Variants in FSIP2 observed in about 807,000 individuals in gnomAD.
FSIP2 encodes the protein fibrous sheath-interacting protein 2.
FSIP2 carries 367 observed loss-of-function variants against 510.5 expected under a neutral mutation model. That is an observed-to-expected ratio of 0.72 (90% CI 0.66 to 0.78). FSIP2 has a LOEUF of 0.78. FSIP2 is among the 30% of genes least tolerant of loss of function. The pLI is 0.00. For missense variants in FSIP2, 7,594 were observed against 7,901.7 expected (o/e 0.96, Z 1.48); for synonymous variants, 2,601 against 2,732.2 (o/e 0.95, Z 1.50).
chr2:185,753,842 G>A lies in FSIP2; in HGVS notation c.991G>A (p.Ala331Thr). 1.4e-6 allele frequency: 2 copies of A among 1,454,364 alleles called. No homozygotes were observed. Among genetic ancestry groups the A allele is most frequent in the Admixed American group, 2.8e-5 (1 of 35,692 alleles). The allele number at this position is 1,454,364 out of a possible 1,614,324, so 90.1% of individuals were successfully genotyped here. A position where few individuals can be genotyped will look rare whatever the true frequency, so the allele number is the denominator to read the frequency against. The stretch of plus-strand genomic sequence containing the variant: ...ATACAGAGGTCAAGATGGAACACAT[G>A]GTGAATGTGAGAACATTAAAAGATG... ...FKYRGQDGTH[A>T]SPKNKKKTSE... Residue 331 changes from alanine to threonine, a missense_variant and splice_region_variant, in exon 8 of 23, where the codon GCT becomes ACT. Coordinates refer to ENST00000424728, the MANE Select transcript of FSIP2 (RefSeq NM_173651.4).
chr2:185,756,121 T>G, intron 8 of FSIP2, 71 bp from the exon 9 acceptor site: 1 of 561,750 alleles, frequency 1.8e-6, no homozygotes, highest in Non-Finnish European at 3.0e-6. Context: ...CATAAAAGGA[T>G]AAGTAGTCTA....
chr2:185,782,027 G>A (rs1274043193), intron 13 of FSIP2, among the ~76,000 whole-genome samples: 1 of 152,080 alleles, frequency 6.6e-6, no homozygotes, highest in African/African-American at 2.4e-5. Flanking sequence ...TAATAGAGAC[G>A]GGGTTTCACC....
chr2:185,788,025 A>G (rs1444052032), intron 15 of FSIP2: 1 of 151,618 alleles, frequency 6.6e-6, no homozygotes, highest in Non-Finnish European at 1.5e-5. Flanking sequence ...GTCAATCTAT[A>G]TAAAGCATTA....
At chr2:185,777,702 C>A (rs952801730) in intron 13 of FSIP2, among the ~76,000 whole-genome samples, 3 of 151,942 alleles carry the variant, frequency 2.0e-5, no homozygotes, top group African/African-American at 4.8e-5. Flanking sequence ...TTGATTAAAT[C>A]AATTCTATCT....
At chr2:185,776,806 C>T (rs1223428550) in intron 13 of FSIP2, among the ~76,000 whole-genome samples, 1 of 150,768 alleles carries the variant, frequency 6.6e-6, no homozygotes, top group African/African-American at 2.4e-5. Flanking sequence ...GTGATCTCGG[C>T]TCACTGCAAC....
rs1272157454 is a variant in FSIP2, at chr2:185,796,908, A to G, written c.9772A>G (p.Met3258Val). 6.5e-7 allele frequency: 1 copy of G among 1,535,034 alleles called. No homozygotes were observed. The highest frequency in any genetic ancestry group is 8.7e-7 in the Non-Finnish European group (1 of 1,146,260). The change falls in exon 16 of 23, where the codon ATG becomes GTG. Residue 3258 changes from methionine to valine, a missense_variant. Physicochemically the swap from Met to Val is conservative, Grantham distance 21. Transcript: ENST00000424728. ...TAACTTTGGTAGTTTTGATCAGACC[A>G]TGAAAGGAAATAGCTACCTCCCTGA... is the stretch of plus-strand genomic sequence containing the variant. The part of the protein sequence containing the change: ...ESNFGSFDQT[M>V]KGNSYLPEGS...
At chr2:185,781,963 C>G (rs190802835) in intron 13 of FSIP2, among the ~76,000 whole-genome samples, 2,727 of 152,164 alleles carry the variant, frequency 0.018, 76 homozygotes, top group African/African-American at 0.062. Context: ...TCAGCATCCC[C>G]CAGCAGCTGG....
intron 13 of FSIP2, among the ~76,000 whole-genome samples, chr2:185,782,477 G>C (rs1300959762): frequency 6.6e-6 from 1 of 152,128 alleles, no homozygotes; most frequent in Non-Finnish European, 1.5e-5. Context: ...CTGGACCATA[G>C]CATAAGTATG....
At position 185,807,160 on chromosome 2, in the gene FSIP2, G is replaced by A; in HGVS notation, c.17854G>A (p.Ala5952Thr). ...AAATTTAGCAAGAAGACTAACTAGT[G>A]CAGTGATAAATGAAATTTTCCAACG... ...GENLARRLTS[A>T]VINEIFQRQV... The change falls in exon 17 of 23, where the codon GCA (alanine) becomes ACA (threonine). Residue 5952 changes from alanine to threonine, a missense_variant. Transcript: ENST00000424728. 3.1e-6 allele frequency: 5 copies of A among 1,602,832 alleles called. No homozygotes were observed. Among genetic ancestry groups the A allele is most frequent in the Non-Finnish European group, 4.3e-6 (5 of 1,176,016 alleles).
At chr2:185,785,325 C>G (rs529264246) in intron 14 of FSIP2, among the ~76,000 whole-genome samples, 2 of 152,082 alleles carry the variant, frequency 1.3e-5, no homozygotes, top group African/African-American at 4.8e-5. Context: ...TGTCATGAAG[C>G]CCATTTTATG....
In FSIP2 at chr2:185,801,008, C is replaced by A. The variant is rs925678859; in HGVS notation, c.11702C>A (p.Ser3901Tyr). 6.5e-7 allele frequency: 1 copy of A among 1,531,800 alleles called. No homozygotes were observed. Among genetic ancestry groups the A allele is most frequent in the Non-Finnish European group, 8.7e-7 (1 of 1,144,160 alleles). 94.9% of individuals were successfully genotyped at this position (1,531,800 alleles called of 1,614,324 possible). A position where few individuals can be genotyped will look rare whatever the true frequency, so the allele number is the denominator to read the frequency against. Residue 3901 changes from serine (S) to tyrosine (Y), a missense_variant, in exon 17 of 23, where the codon TCT becomes TAT. Transcript: ENST00000424728. ...ELIELGQSKSSLELRSYDSNS... is the reference protein window; with the variant it reads ...ELIELGQSKSYLELRSYDSNS... ...ATAGAATTAGGACAGAGTAAAAGTT[C>A]TTTAGAACTCAGGAGCTATGATAGT...
intron 13 of FSIP2, chr2:185,765,044 G>C (rs1459585132): frequency 2.0e-5 from 3 of 152,088 alleles, no homozygotes; most frequent in Admixed American, 6.6e-5. Context: ...TTAAGGTATA[G>C]TGGATAATTT....
intron 13 of FSIP2, among the ~76,000 whole-genome samples, chr2:185,782,377 G>A (rs1692871319): frequency 6.6e-6 from 1 of 152,136 alleles, no homozygotes; most frequent in Admixed American, 6.5e-5. Context: ...ATACAGCACA[G>A]GGTGTTCTAG....
At position 185,805,397 on chromosome 2, in the gene FSIP2, C is replaced by T; in HGVS notation, c.16091C>T (p.Thr5364Ile). The change falls in exon 17 of 23, where the codon ACA becomes ATA. Residue 5364 changes from threonine (T) to isoleucine (I), a missense_variant. Physicochemically the swap from Thr to Ile is moderately conservative, Grantham distance 89. Coordinates refer to ENST00000424728, the MANE Select transcript of FSIP2 (RefSeq NM_173651.4). ...TATGAACAGTTCATAGAAAAATGCA[C>T]ATCTCATGATATTCAAAAAGGTGAT... ...FVYEQFIEKC[T>I]SHDIQKGDES... is the part of the protein sequence containing the mutation. The T allele has an allele frequency of 1.2e-6, 2 of 1,600,270 alleles. No homozygotes were observed. Among genetic ancestry groups the T allele is most frequent in the Admixed American group, 1.7e-5 (1 of 57,354 alleles).
chr2:185,759,418 A>G (rs1488173266), intron 9 of FSIP2, among the ~76,000 whole-genome samples: 1 of 143,610 alleles, frequency 7.0e-6, no homozygotes, highest in Non-Finnish European at 1.5e-5. Flanking sequence ...TATAATATAT[A>G]TTATTAACAT....
chr2:185,825,628 G>C (rs1694001517), intron 20 of FSIP2, among the ~76,000 whole-genome samples: 1 of 151,724 alleles, frequency 6.6e-6, no homozygotes, highest in South Asian at 2.1e-4. Context: ...TAAATTCAGT[G>C]TTTTAATATG....
At position 185,805,035 on chromosome 2, in the gene FSIP2, A is replaced by G; in HGVS notation, c.15729A>G (p.Glu5243=). 1 of 1,597,244 alleles carries G rather than the reference A, an allele frequency of 6.3e-7. No individual in the cohort carries two copies. Among genetic ancestry groups the G allele is most frequent in the Non-Finnish European group, 8.5e-7 (1 of 1,175,478 alleles). Residue 5243 remains glutamate, a synonymous_variant, in exon 17 of 23, where the codon GAA becomes GAG. Coordinates refer to ENST00000424728, the MANE Select transcript of FSIP2 (RefSeq NM_173651.4). ...ATTTACAGCCATTTTTACATGGTGA[A>G]GAATCATCTTTCAGTGACTTATCTG... ...YHHLQPFLHG[E]ESSFSDLSDY...
chr2:185,780,732 G>GGTT (rs1024817572), intron 13 of FSIP2, among the ~76,000 whole-genome samples: 44 of 152,024 alleles, frequency 2.9e-4, no homozygotes, highest in African/African-American at 1.1e-3. Context: ...GAGAGTGGGA[G>GGTT]GTTGTTACTG....
chr2:185,784,662 G>A (rs993839450), intron 14 of FSIP2, among the ~76,000 whole-genome samples: 18 of 151,940 alleles, frequency 1.2e-4, no homozygotes, highest in Non-Finnish European at 1.8e-4. Flanking sequence ...TGATTTCAGG[G>A]TATTATTTTT....
Sources: allele counts gnomAD v4.1 joint callset (sites outside exome capture counted in the v4.1 genomes callset), GRCh38; gene constraint gnomAD v4.1.1; transcripts MANE v1.5; gene names NCBI Gene and HGNC (gene_info 2026-07-23, HGNC 2026-07-21).